The following PLXDC2 variants were observed in gnomAD, a reference collection of about 807,000 sequenced individuals.
The protein encoded by PLXDC2 is plexin domain containing 2.
A neutral mutation model predicts 68.9 loss-of-function variants in PLXDC2; 40 were observed. The ratio of observed to expected loss-of-function variants is 0.58; its 90% confidence interval spans 0.45 to 0.76. The LOEUF is 0.76. Among genes scored for constraint, PLXDC2 ranks in the 30% least tolerant of loss-of-function variants. The pLI, the probability that PLXDC2 is intolerant of heterozygous loss-of-function variation, is 0.00. For missense variants in PLXDC2, 644 were observed against 661.9 expected (o/e 0.97, Z 0.30); for synonymous variants, 243 against 234.2 (o/e 1.04, Z -0.34).
intron 9 of PLXDC2, among the ~76,000 whole-genome samples, chr10:20,201,370 G>A (rs1322735041): frequency 6.6e-5 from 10 of 152,024 alleles, no homozygotes; most frequent in African/African-American, 2.4e-5. Flanking sequence ...ATAAAATGCA[G>A]AACAGTGGAT....
chr10:19,898,562 C>T (rs1838103581), intron 1 of PLXDC2, among the ~76,000 whole-genome samples: 1 of 152,082 alleles, frequency 6.6e-6, no homozygotes, highest in Non-Finnish European at 1.5e-5. Context: ...AGAAAATTAA[C>T]AGCAACAGCA....
chr10:20,099,234 A>G (rs983558457), intron 4 of PLXDC2, among the ~76,000 whole-genome samples: 2 of 152,326 alleles, frequency 1.3e-5, no homozygotes, highest in East Asian at 1.9e-4. Context: ...AAACAGTATC[A>G]CCATTAATAC....
chr10:20,226,690 A>T (rs1010675027), intron 12 of PLXDC2, among the ~76,000 whole-genome samples: 1 of 152,192 alleles, frequency 6.6e-6, no homozygotes, highest in African/African-American at 2.4e-5. Context: ...ACAGAACGAG[A>T]TGATATAGCA....
chr10:19,865,996 C>A (rs1482205264), intron 1 of PLXDC2, among the ~76,000 whole-genome samples: 1 of 152,112 alleles, frequency 6.6e-6, no homozygotes, highest in Non-Finnish European at 1.5e-5. Flanking sequence ...ACACTTTCCC[C>A]CCTCATTTAT....
intron 1 of PLXDC2, among the ~76,000 whole-genome samples, chr10:19,991,191 AGCCGAGATCAT>A (rs1277385693): frequency 6.6e-6 from 1 of 151,398 alleles, no homozygotes; most frequent in Non-Finnish European, 1.5e-5. Flanking sequence ...GGTTGCGGTG[AGCCGAGATCAT>A]GCCATTGCAC....
intron 13 of PLXDC2, among the ~76,000 whole-genome samples, chr10:20,254,349 C>T (rs1294195673): frequency 6.6e-6 from 1 of 152,180 alleles, no homozygotes; most frequent in Non-Finnish European, 1.5e-5. Context: ...AGTTTGGCAT[C>T]TTGCTTTGCA....
At chr10:20,242,684 CAT>C (rs1396456207) in intron 12 of PLXDC2, among the ~76,000 whole-genome samples, 2 of 152,172 alleles carry the variant, frequency 1.3e-5, no homozygotes, top group Non-Finnish European at 2.9e-5. Flanking sequence ...AGCCCAAAGA[CAT>C]AGCCTCTGTC....
At chr10:20,207,763 G>T (rs200714837) in intron 9 of PLXDC2, among the ~76,000 whole-genome samples, 3 of 152,114 alleles carry the variant, frequency 2.0e-5, no homozygotes, top group East Asian at 3.9e-4. Flanking sequence ...TCAAATTTAG[G>T]ATGCCAAATC....
intron 10 of PLXDC2, among the ~76,000 whole-genome samples, chr10:20,212,405 A>G (rs1217652714): frequency 6.6e-6 from 1 of 152,126 alleles, no homozygotes; most frequent in Non-Finnish European, 1.5e-5. Context: ...CGTGTAAGCA[A>G]TTGGATACCA....
intron 1 of PLXDC2, among the ~76,000 whole-genome samples, chr10:19,872,951 T>C (rs1407721925): frequency 6.6e-6 from 1 of 152,172 alleles, no homozygotes; most frequent in Non-Finnish European, 1.5e-5. Flanking sequence ...TCCACATATC[T>C]AATCTTTATG....
chr10:20,245,487 C>T lies in PLXDC2; in HGVS notation c.1455C>T (p.Ala485=). ...VYMYHHPTSA[A]SIFFIERRPS... ...TGTATCACCACCCAACATCAGCAGC[C>T]AGCATCTTCTTTATTGAGGTAAGTG... Residue 485 remains alanine (A), a synonymous_variant, in exon 13 of 14, where the codon GCC becomes GCT. Coordinates refer to ENST00000377252, the MANE Select transcript of PLXDC2 (RefSeq NM_032812.9). The T allele has an allele frequency of 6.2e-7, 1 of 1,611,856 alleles. No homozygotes were observed. Among genetic ancestry groups the T allele is most frequent in the Non-Finnish European group, 8.5e-7 (1 of 1,179,538 alleles).
intron 4 of PLXDC2, among the ~76,000 whole-genome samples, chr10:20,129,165 T>G (rs1182934060): frequency 6.6e-6 from 1 of 152,194 alleles, no homozygotes; most frequent in Non-Finnish European, 1.5e-5. Flanking sequence ...ATGTTGCTCA[T>G]AATAGTCATC....
chr10:20,168,829 T>C (rs554298249), intron 7 of PLXDC2, among the ~76,000 whole-genome samples: 1 of 152,240 alleles, frequency 6.6e-6, no homozygotes, highest in South Asian at 2.1e-4. Flanking sequence ...AGGAGGAAAA[T>C]TTAAATTACT....
chr10:20,061,042 A>C (rs1043336856), intron 3 of PLXDC2, among the ~76,000 whole-genome samples: 4 of 152,164 alleles, frequency 2.6e-5, no homozygotes, highest in Non-Finnish European at 1.5e-5. Context: ...ACTTGCAAAA[A>C]ATTTTTAAAG....
chr10:20,033,993 A>G (rs1835540822), intron 2 of PLXDC2, among the ~76,000 whole-genome samples: 1 of 152,174 alleles, frequency 6.6e-6, no homozygotes, highest in African/African-American at 2.4e-5. Flanking sequence ...TCTTAGTACC[A>G]TGCATCCTGT....
rs1476081022 is a variant in PLXDC2, at chr10:19,816,871, CA to C, written c.-208del. 4 of 590,330 alleles carry C rather than the reference CA, an allele frequency of 6.8e-6. No homozygotes were observed. The Admixed American group carries it at 1.2e-4, about 18-fold the overall frequency. 36.6% of individuals were successfully genotyped at this position (590,330 alleles called of 1,614,324 possible). ...GTGTGGCAAGTTGCAAAGAGAGCCT[CA>C]GAGGTCCGAAGAGCGCTGCGCTCCT... On this transcript the variant is annotated 5_prime_UTR_variant, in exon 1 of 14. Transcript: ENST00000377252.
chr10:20,023,524 G>C (rs1835349202), intron 2 of PLXDC2, among the ~76,000 whole-genome samples: 1 of 152,104 alleles, frequency 6.6e-6, no homozygotes, highest in African/African-American at 2.4e-5. Context: ...CTGATAAAAG[G>C]ATGAGTTCAG....
intron 13 of PLXDC2, among the ~76,000 whole-genome samples, chr10:20,276,126 C>T (rs1252933629): frequency 1.3e-5 from 2 of 152,100 alleles, no homozygotes; most frequent in African/African-American, 4.8e-5. Flanking sequence ...TAATCGACTG[C>T]TTGACAAGTG....
intron 4 of PLXDC2, among the ~76,000 whole-genome samples, chr10:20,131,089 C>G (rs1016768155): frequency 6.6e-6 from 1 of 151,518 alleles, no homozygotes; most frequent in Non-Finnish European, 1.5e-5. Flanking sequence ...TAGAATTTAC[C>G]CCAGTAAAGC....
Sources: allele counts gnomAD v4.1 joint callset (sites outside exome capture counted in the v4.1 genomes callset), GRCh38; gene constraint gnomAD v4.1.1; transcripts MANE v1.5; gene names NCBI Gene and HGNC (gene_info 2026-07-23, HGNC 2026-07-21).